The following SAMD5 variants were observed in gnomAD, a reference collection of about 807,000 sequenced individuals.
SAMD5 encodes the protein sterile alpha motif domain containing 5.
Under a neutral mutation model 11.3 loss-of-function variants are expected in SAMD5, and 13 were observed. The observed-to-expected ratio is 1.15, with a 90% CI of 0.75 to 1.83. The LOEUF is 1.83. SAMD5 is among the 40% of genes most tolerant of loss of function. The pLI, the probability that SAMD5 is intolerant of heterozygous loss-of-function variation, is 0.00. For synonymous variants in SAMD5, 129 were observed against 111.3 expected (o/e 1.16, Z -1.00); for missense variants, 255 against 239.1 (o/e 1.07, Z -0.44).
chr6:147,769,781 T>C, the SAMD5 span, among the ~76,000 whole-genome samples: 2 of 152,232 alleles, frequency 1.3e-5, no homozygotes, highest in East Asian at 1.9e-4. Flanking sequence ...GGGTTTGTCA[T>C]ACTTGGCCAG....
chr6:147,862,504 C>G, the SAMD5 span, among the ~76,000 whole-genome samples: 4 of 152,298 alleles, frequency 2.6e-5, no homozygotes, highest in East Asian at 5.8e-4. Context: ...CCACGCACCC[C>G]CTCTGCTCTC....
chr6:147,876,472 T>C, the SAMD5 span, among the ~76,000 whole-genome samples: 3 of 152,214 alleles, frequency 2.0e-5, no homozygotes, highest in Admixed American at 1.3e-4. Flanking sequence ...TTTCATAGAC[T>C]TCCCATGATT....
At chr6:147,578,604 A>G (rs886929685) in intron 1 of SAMD5, among the ~76,000 whole-genome samples, 6 of 152,172 alleles carry the variant, frequency 3.9e-5, no homozygotes, top group Non-Finnish European at 8.8e-5. Context: ...TTAATGGTTA[A>G]ATTGATTATA....
At chr6:147,815,007 G>T in the SAMD5 span, among the ~76,000 whole-genome samples, 1 of 152,302 alleles carries the variant, frequency 6.6e-6, no homozygotes, top group South Asian at 2.1e-4. Flanking sequence ...GCCAGGCTTT[G>T]CATTGAAAGG....
chr6:147,924,622 A>G, the SAMD5 span, among the ~76,000 whole-genome samples: 1 of 152,032 alleles, frequency 6.6e-6, no homozygotes, highest in Non-Finnish European at 1.5e-5. Context: ...AAAGTTCAAT[A>G]TATAAATAAA....
At chr6:147,842,142 A>T in the SAMD5 span, among the ~76,000 whole-genome samples, 56 of 152,258 alleles carry the variant, frequency 3.7e-4, no homozygotes, top group African/African-American at 1.3e-3. Flanking sequence ...TTAAATGGTT[A>T]AAAAAACAGG....
intron 1 of SAMD5, among the ~76,000 whole-genome samples, chr6:147,688,815 C>A (rs1791057567): frequency 6.6e-6 from 1 of 152,166 alleles, no homozygotes; most frequent in African/African-American, 2.4e-5. Context: ...TCAAGGTGTT[C>A]CAGGTGGGAC....
At chr6:147,617,791 T>A (rs1321678103) in intron 1 of SAMD5, among the ~76,000 whole-genome samples, 2 of 152,218 alleles carry the variant, frequency 1.3e-5, no homozygotes, top group East Asian at 3.9e-4. Flanking sequence ...GGCATCCAAG[T>A]CTGTCTGTGA....
At chr6:147,746,610 G>A in the SAMD5 span, among the ~76,000 whole-genome samples, 3 of 152,158 alleles carry the variant, frequency 2.0e-5, no homozygotes. Context: ...GTTAAAATGA[G>A]GTCAAAGGAT....
At chr6:147,668,659 C>T (rs544061739) in intron 1 of SAMD5, among the ~76,000 whole-genome samples, 13 of 151,884 alleles carry the variant, frequency 8.6e-5, no homozygotes, top group East Asian at 1.9e-4. Context: ...GCCTGGCCAA[C>T]GTGGCAAAAC....
the SAMD5 span, among the ~76,000 whole-genome samples, chr6:147,920,878 A>G: frequency 1.2e-3 from 178 of 152,270 alleles, no homozygotes; most frequent in African/African-American, 3.8e-3. Flanking sequence ...ATAGGACAAA[A>G]TTCTCTAGAA....
chr6:147,864,524 T>A, the SAMD5 span, among the ~76,000 whole-genome samples: 2 of 152,128 alleles, frequency 1.3e-5, no homozygotes, highest in Non-Finnish European at 2.9e-5. Context: ...TTGGGGGAGA[T>A]CTTAGAATAC....
chr6:147,893,045 T>C, the SAMD5 span, among the ~76,000 whole-genome samples: 4 of 152,052 alleles, frequency 2.6e-5, no homozygotes, highest in East Asian at 7.7e-4. Flanking sequence ...AAACCCTGTC[T>C]CTACTAAAAA....
At chr6:147,547,117 A>C (rs1788699360) in intron 1 of SAMD5, among the ~76,000 whole-genome samples, 2 of 152,206 alleles carry the variant, frequency 1.3e-5, no homozygotes. Flanking sequence ...CACATTCTGA[A>C]GGTGGGAAAG....
chr6:147,931,500 T>C, the SAMD5 span, among the ~76,000 whole-genome samples: 2 of 152,172 alleles, frequency 1.3e-5, no homozygotes, highest in East Asian at 3.9e-4. Context: ...TCCTTAAGGG[T>C]AATTGTCTAG....
chr6:147,774,671 G>T, the SAMD5 span, among the ~76,000 whole-genome samples: 1 of 151,988 alleles, frequency 6.6e-6, no homozygotes. Flanking sequence ...TTGTAGAAGA[G>T]TGGAGGGATT....
chr6:147,891,912 A>G, the SAMD5 span, among the ~76,000 whole-genome samples: 4 of 152,168 alleles, frequency 2.6e-5, no homozygotes, highest in Admixed American at 2.0e-4. Context: ...TGCTGGCTGT[A>G]GCCCTCCTGC....
chr6:147,944,820 A>G, the SAMD5 span, among the ~76,000 whole-genome samples: 1 of 152,164 alleles, frequency 6.6e-6, no homozygotes, highest in East Asian at 1.9e-4. Flanking sequence ...ACTCCTTCTG[A>G]GCACTCTGAG....
chr6:147,540,027 A>G (rs73580700), intron 1 of SAMD5, among the ~76,000 whole-genome samples: 7,917 of 152,284 alleles, frequency 0.052, 383 homozygotes, highest in African/African-American at 0.12. Flanking sequence ...AATTAAGGTT[A>G]TAACTTAACC....
Sources: gnomAD v4.1 joint callset for allele counts (sites outside exome capture counted in the v4.1 genomes callset) on GRCh38, gnomAD v4.1.1 for gene constraint, MANE v1.5 for transcripts, NCBI Gene and HGNC (gene_info 2026-07-23, HGNC 2026-07-21) for gene names.